The following EIF2AK1 variants were observed in gnomAD, a reference collection of about 807,000 sequenced individuals.
EIF2AK1 encodes eukaryotic translation initiation factor 2 alpha kinase 1, also known as eukaryotic translation initiation factor 2-alpha kinase 1.
EIF2AK1 carries 54 observed loss-of-function variants against 77.9 expected under a neutral mutation model. The ratio of observed to expected loss-of-function variants is 0.69; its 90% CI spans 0.56 to 0.87. EIF2AK1 has a LOEUF of 0.87. Among genes scored for constraint, EIF2AK1 ranks in the 40% least tolerant of loss-of-function variants. The probability of loss-of-function intolerance (pLI) is 0.00; values close to 1 mark genes in which losing one functional copy is unlikely to be tolerated. For missense variants in EIF2AK1, 810 were observed against 768.6 expected (o/e 1.05, Z -0.64); for synonymous variants, 314 against 290.5 (o/e 1.08, Z -0.82).
At position 6,035,435 on chromosome 7, in the gene EIF2AK1, C is replaced by T; in HGVS notation, c.1332+1989G>A. The T allele has an allele frequency of 6.5e-7, 1 of 1,545,602 alleles. No homozygotes were observed. The highest frequency in any genetic ancestry group is 8.7e-7 in the Non-Finnish European group (1 of 1,143,194). On this transcript the variant is annotated intron_variant, in intron 11 of 14. Coordinates refer to ENST00000199389, the MANE Select transcript of EIF2AK1 (RefSeq NM_014413.4). The surrounding 1 kb of genome is among the most constrained non-coding windows in gnomAD (Gnocchi z 5.5). Reference sequence around the variant, plus strand: ...ATTCAGTGTAACGTGTAATCAATACCCATTCTAGGGACACGACAGGCCTCA... The same window carrying T: ...ATTCAGTGTAACGTGTAATCAATACTCATTCTAGGGACACGACAGGCCTCA...
At chr7:6,031,697 T>C in intron 11 of EIF2AK1, 1 of 1,079,734 alleles carries the variant, frequency 9.3e-7, no homozygotes, top group Non-Finnish European at 1.3e-6. Context: ...CTTATGAGAA[T>C]GAGACACGAC....
intron 2 of EIF2AK1, among the ~76,000 whole-genome samples, chr7:6,050,602 C>CTT (rs576925022): frequency 9.8e-5 from 13 of 132,982 alleles, no homozygotes; most frequent in Admixed American, 2.4e-4. Context: ...AATTACTTCT[C>CTT]TTTTTTTTTT....
At chr7:6,054,488 A>C in intron 2 of EIF2AK1, 58 bp downstream of exon 2, 1 of 1,591,104 alleles carries the variant, frequency 6.3e-7, no homozygotes, top group South Asian at 1.1e-5. Context: ...ACAGGCATGA[A>C]CCACGGAGCC....
intron 11 of EIF2AK1, among the ~76,000 whole-genome samples, chr7:6,030,874 T>G (rs192366341): frequency 5.8e-4 from 88 of 152,296 alleles, no homozygotes; most frequent in Admixed American, 4.6e-4. Context: ...TCACACTAAA[T>G]GGCTTTATTT....
At chr7:6,053,712 G>A (rs1459729066) in intron 2 of EIF2AK1, among the ~76,000 whole-genome samples, 3 of 132,720 alleles carry the variant, frequency 2.3e-5, no homozygotes, top group Non-Finnish European at 4.6e-5. Flanking sequence ...TTGTTGCCCA[G>A]GCTGGAGTGC....
Position 6,049,895 on chromosome 7 carries a change from T to A in EIF2AK1, c.411+17A>T. ...GTATATTTTTGTCATACCCAAAGTA[T>A]ATTTTTTAGGGCTTACCTGACGAAC... On this transcript the variant is annotated intron_variant, in intron 3 of 14. Transcript: ENST00000199389. The A allele has an allele frequency of 6.3e-7, 1 of 1,598,448 alleles. No homozygotes were observed. Among genetic ancestry groups the A allele is most frequent in the East Asian group, 2.2e-5 (1 of 44,612 alleles).
chr7:6,050,361 A>C (rs1159798733), intron 2 of EIF2AK1, among the ~76,000 whole-genome samples: 1 of 151,670 alleles, frequency 6.6e-6, no homozygotes, highest in East Asian at 1.9e-4. Context: ...TGCCCAGCTA[A>C]TTTTTCTATT....
At position 6,023,025 on chromosome 7, in the gene EIF2AK1, G is replaced by T. The variant is rs373188224; in HGVS notation, c.*1648C>A. 1.4e-4 allele frequency: 50 copies of T among 355,848 alleles called. No homozygotes were observed. Among genetic ancestry groups the T allele is most frequent in the African/African-American group, 9.2e-4 (44 of 47,660 alleles). 22.0% of individuals were successfully genotyped at this position (355,848 alleles called of 1,614,324 possible). On this transcript the variant is annotated 3_prime_UTR_variant, in exon 15 of 15. Coordinates refer to ENST00000199389, the MANE Select transcript of EIF2AK1 (RefSeq NM_014413.4). ...AGCCCCCAAAACCTTAGGCAGCAGG[G>T]ATTGGAGCAGGTGGTCTGAGGTCCC...
chr7:6,055,789 T>C (rs1486401625), intron 1 of EIF2AK1, among the ~76,000 whole-genome samples: 1 of 150,762 alleles, frequency 6.6e-6, no homozygotes, highest in Non-Finnish European at 1.5e-5. Flanking sequence ...GAGACCAGCC[T>C]GGCCAACATG....
Position 6,059,175 on chromosome 7 carries a change from T to C in EIF2AK1, c.-92A>G, listed in dbSNP as rs1268197923. 20 of 865,902 alleles carry C rather than the reference T, an allele frequency of 2.3e-5. No homozygotes were observed. The highest frequency in any genetic ancestry group is 3.4e-5 in the East Asian group (1 of 29,454). 53.6% of individuals were successfully genotyped at this position (865,902 alleles called of 1,614,324 possible). A position where few individuals can be genotyped will look rare whatever the true frequency, so the allele number is the denominator to read the frequency against. On this transcript the variant is annotated 5_prime_UTR_variant, in exon 1 of 15. Transcript: ENST00000199389. ...CAGCTAGCGCCGTCCGACCCGGAAG[T>C]AACCCCTCACCAGACGGAAAACCAG...
Position 6,035,534 on chromosome 7 carries a change from C to T in EIF2AK1, c.1332+1890G>A. On this transcript the variant is annotated intron_variant, in intron 11 of 14. Coordinates refer to ENST00000199389, the MANE Select transcript of EIF2AK1 (RefSeq NM_014413.4). This position sits in a 1 kb window ranked among gnomAD's most constrained non-coding sequence, Gnocchi z 5.5. ...GGGCAAAACCAGGCAACAGAACGCACAGGATCCTGACAGACATTCAGAATA... is the reference window on the plus strand; with the variant it reads ...GGGCAAAACCAGGCAACAGAACGCATAGGATCCTGACAGACATTCAGAATA... 6 of 1,551,222 alleles carry T rather than the reference C, an allele frequency of 3.9e-6. No individual in the cohort carries two copies. The highest frequency in any genetic ancestry group is 5.2e-6 in the Non-Finnish European group (6 of 1,147,130).
At chr7:6,031,548 C>A (rs1403968085) in intron 11 of EIF2AK1, 1 of 1,550,788 alleles carries the variant, frequency 6.4e-7, no homozygotes, top group Admixed American at 2.0e-5. Context: ...CAGCCCATCA[C>A]CATTCTGCCC....
intron 2 of EIF2AK1, among the ~76,000 whole-genome samples, chr7:6,053,464 T>G (rs1446424991): frequency 6.7e-6 from 1 of 150,358 alleles, no homozygotes; most frequent in Non-Finnish European, 1.5e-5. Flanking sequence ...CAGGTTCAAA[T>G]GATTTTCCAG....
Position 6,033,044 on chromosome 7 carries a change from C to T in EIF2AK1, c.1333-4012G>A. 1 of 885,672 alleles carries T rather than the reference C, an allele frequency of 1.1e-6. No homozygotes were observed. Among genetic ancestry groups the T allele is most frequent in the Middle Eastern group, 3.3e-4 (1 of 3,024 alleles). 54.9% of individuals were successfully genotyped at this position (885,672 alleles called of 1,614,324 possible). On this transcript the variant is annotated intron_variant, in intron 11 of 14. Coordinates refer to ENST00000199389, the MANE Select transcript of EIF2AK1 (RefSeq NM_014413.4). This position sits in a 1 kb window ranked among gnomAD's most constrained non-coding sequence, Gnocchi z 4.4. ...AGTGCAATGGCACAATCTCGCCTCA[C>T]TGCAACCTCTACTTCCTGGGTTCAA...
At chr7:6,030,026 C>T (rs550862226) in intron 11 of EIF2AK1, among the ~76,000 whole-genome samples, 51 of 152,218 alleles carry the variant, frequency 3.4e-4, no homozygotes, top group African/African-American at 1.2e-3. Flanking sequence ...AGTCCAGAGA[C>T]GTGATTTTCT....
intron 9 of EIF2AK1, among the ~76,000 whole-genome samples, chr7:6,040,296 G>A (rs1163091787): frequency 1.3e-5 from 2 of 151,940 alleles, no homozygotes; most frequent in Non-Finnish European, 2.9e-5. Context: ...CAGGTGATCT[G>A]CCCTCCTTGG....
At chr7:6,046,920 G>T (rs1310653198) in intron 5 of EIF2AK1, 72 bp downstream of exon 5, 3 of 1,338,620 alleles carry the variant, frequency 2.2e-6, no homozygotes, top group Non-Finnish European at 3.1e-6. Flanking sequence ...ATAAATAAAA[G>T]AATAATGAAA....
In EIF2AK1 at chr7:6,022,513, G is replaced by C. The variant is rs1223114772; in HGVS notation, c.*2160C>G. ...ACATGGTTTTGATAAGAGGCAGCAA[G>C]GGTTTAGGACATTCTGTGGCATACT... On this transcript the variant is annotated 3_prime_UTR_variant, in exon 15 of 15. Transcript: ENST00000199389. The C allele has an allele frequency of 6.6e-6, 1 of 152,234 alleles. No homozygotes were observed. The highest frequency in any genetic ancestry group is 1.5e-5 in the Non-Finnish European group (1 of 68,070). The allele number at this position is 152,234 out of a possible 1,614,324, so 9.4% of individuals were successfully genotyped here.
rs1446045089 is a variant in EIF2AK1 at position 6,027,374 on chromosome 7, T to G, written c.1531-413A>C. The stretch of plus-strand genomic sequence containing the variant: ...TCCACTCATTCTTACCAAGTGTCCT[T>G]GGTGACATTTAACAAACTGCATAAA... On this transcript the variant is annotated intron_variant, in intron 13 of 14. Transcript: ENST00000199389. The surrounding 1 kb of genome is among the most constrained non-coding windows in gnomAD (Gnocchi z 4.5). 2.0e-5 allele frequency among the ~76,000 whole-genome samples: 3 copies of G among 152,206 alleles called. No homozygotes were observed. The highest frequency in any genetic ancestry group is 2.9e-5 in the Non-Finnish European group (2 of 68,048).
Sources: gnomAD v4.1 joint callset for allele counts (sites outside exome capture counted in the v4.1 genomes callset) on GRCh38, gnomAD v4.1.1 for gene constraint, Gnocchi (gnomAD v3.1) non-coding constraint, MANE v1.5 for transcripts, NCBI Gene and HGNC (gene_info 2026-07-23, HGNC 2026-07-21) for gene names.